CDH17: variants seen among roughly 807,000 people sequenced by gnomAD.
CDH17 encodes the protein cadherin 17, also known as cadherin-17.
In CDH17, 67 loss-of-function variants were observed where a neutral mutation model predicts 86.3. That is an observed-to-expected ratio of 0.78 (90% CI 0.64 to 0.95). The LOEUF is 0.95. Ranked by LOEUF, CDH17 falls within the 40% of genes least tolerant of loss-of-function variation. CDH17 has a pLI of 0.00. For synonymous variants in CDH17, 367 were observed against 366.4 expected, an observed-to-expected ratio of 1.00 and a Z score of -0.02; for missense variants, 993 against 1,017.6, an observed-to-expected ratio of 0.98 and a Z score of 0.33.
rs1209397717 is a variant in CDH17 at position 94,152,096 on chromosome 8, G to A, written c.1568C>T (p.Thr523Ile). Residue 523 changes from threonine to isoleucine, a missense_variant, in exon 13 of 18, where the codon ACA becomes ATA. Transcript: ENST00000027335. Reference protein sequence around the residue: ...VIIKKPLDFETAAVSNIVFKA... With the variant: ...VIIKKPLDFEIAAVSNIVFKA... ...GAACACAATGTTGGAAACAGCTGCT[G>A]TTTCAAAATCAAGAGGCTGTGTAGG... The A allele has an allele frequency of 1.2e-6, 2 of 1,614,048 alleles. No individual in the cohort carries two copies. The highest frequency in any genetic ancestry group is 1.7e-5 in the Admixed American group (1 of 60,020).
intron 2 of CDH17, among the ~76,000 whole-genome samples, chr8:94,193,782 G>A (rs775543173): frequency 1.3e-5 from 2 of 152,170 alleles, no homozygotes; most frequent in Non-Finnish European, 2.9e-5. Context: ...TCCCCCGGGA[G>A]GAAGGCTCTG....
intron 1 of CDH17, among the ~76,000 whole-genome samples, chr8:94,203,326 T>G (rs1056173709): frequency 6.6e-6 from 1 of 152,194 alleles, no homozygotes; most frequent in Non-Finnish European, 1.5e-5. Context: ...ACAAAGAAGT[T>G]GCAGAAGGAG....
chr8:94,176,421 G>A, intron 5 of CDH17, 120 bp downstream of exon 5: 2 of 1,069,514 alleles, frequency 1.9e-6, no homozygotes, highest in African/African-American at 1.6e-5. Flanking sequence ...AAATCAGTGT[G>A]AAATGTAGGT....
intron 13 of CDH17, among the ~76,000 whole-genome samples, chr8:94,151,435 C>T (rs1812854156): frequency 6.6e-6 from 1 of 152,206 alleles, no homozygotes; most frequent in Non-Finnish European, 1.5e-5. Context: ...TTCCCTCAGC[C>T]CTGTAAGTTG....
At chr8:94,164,067 C>T (rs540182923) in intron 10 of CDH17, among the ~76,000 whole-genome samples, 48 of 152,330 alleles carry the variant, frequency 3.2e-4, no homozygotes, top group African/African-American at 1.0e-3. Flanking sequence ...TTTCTATAGA[C>T]GTACTCATGC....
chr8:94,206,565 C>G (rs981126675), intron 1 of CDH17, among the ~76,000 whole-genome samples: 1 of 151,902 alleles, frequency 6.6e-6, no homozygotes, highest in African/African-American at 2.4e-5. Context: ...AGGGACACAT[C>G]CTTCTAGACA....
intron 1 of CDH17, among the ~76,000 whole-genome samples, chr8:94,198,788 T>A (rs935349558): frequency 6.6e-6 from 1 of 152,140 alleles, no homozygotes; most frequent in African/African-American, 2.4e-5. Context: ...GATATTTGCT[T>A]AATGAGGTTG....
intron 1 of CDH17, among the ~76,000 whole-genome samples, chr8:94,198,685 G>C (rs1472817740): frequency 6.6e-6 from 1 of 151,998 alleles, no homozygotes; most frequent in Non-Finnish European, 1.5e-5. Flanking sequence ...CACCCAGATG[G>C]ACTTTGCACC....
chr8:94,138,704 G>C (rs970458107), intron 15 of CDH17, among the ~76,000 whole-genome samples: 3 of 152,118 alleles, frequency 2.0e-5, no homozygotes, highest in African/African-American at 7.2e-5. Flanking sequence ...CGCTCACAAA[G>C]AGCCAGGAAT....
At chr8:94,210,840 G>A (rs1265448829), upstream of CDH17, among the ~76,000 whole-genome samples, 1 of 151,926 alleles carries the variant, frequency 6.6e-6, no homozygotes, top group Admixed American at 6.6e-5. Flanking sequence ...GTCCAACATG[G>A]TGAAACCTCA....
At chr8:94,157,342 A>T (rs1195416189) in intron 12 of CDH17, among the ~76,000 whole-genome samples, 6 of 152,224 alleles carry the variant, frequency 3.9e-5, no homozygotes, top group Non-Finnish European at 8.8e-5. Flanking sequence ...AGTCTATAAA[A>T]CACTTCAATA....
At chr8:94,194,037 C>T (rs1813735196) in intron 2 of CDH17, among the ~76,000 whole-genome samples, 1 of 151,928 alleles carries the variant, frequency 6.6e-6, no homozygotes, top group African/African-American at 2.4e-5. Flanking sequence ...CCTCAGCAGT[C>T]ACGTAGATTT....
chr8:94,206,974 G>GAAATGTACCGGAAATGTACCGGAA (rs1814040074), intron 1 of CDH17, among the ~76,000 whole-genome samples: 1 of 152,072 alleles, frequency 6.6e-6, no homozygotes, highest in African/African-American at 2.4e-5. Context: ...GAGAAAGGAG[G>GAAATGTACCGGAAATGTACCGGAA]AGGTACCGGA....
At chr8:94,196,781 G>C (rs933994628) in intron 1 of CDH17, among the ~76,000 whole-genome samples, 2 of 152,132 alleles carry the variant, frequency 1.3e-5, no homozygotes, top group African/African-American at 2.4e-5. Context: ...CCAGCAGCTC[G>C]GCCAATAGGA....
chr8:94,198,935 G>GT (rs1301693415), intron 1 of CDH17, among the ~76,000 whole-genome samples: 6 of 151,354 alleles, frequency 4.0e-5, no homozygotes, highest in African/African-American at 1.5e-4. Context: ...AAAATAAGGG[G>GT]TACAGGTTCT....
intron 3 of CDH17, among the ~76,000 whole-genome samples, chr8:94,184,905 G>C (rs1203346959): frequency 6.6e-6 from 1 of 152,098 alleles, no homozygotes; most frequent in Non-Finnish European, 1.5e-5. Context: ...CCAACCTCAT[G>C]GGGCAATGAG....
chr8:94,199,072 TATATATATA>T lies in CDH17; in HGVS notation c.-20-4376_-20-4368del, dbSNP rs548193905. Among the ~76,000 whole-genome samples the T allele has an allele frequency of 4.2e-3, 77 of 18,532 alleles. 1 individual carries two copies. Among genetic ancestry groups the T allele is most frequent in the African/African-American group, 5.9e-3 (34 of 5,758 alleles). 12.2% of individuals were successfully genotyped at this position (18,532 alleles called of 152,430 possible). A position where few individuals can be genotyped will look rare whatever the true frequency, so the allele number is the denominator to read the frequency against. Reference sequence around the variant, plus strand: ...ATATATATATATATATATATATATATATATATATATATTTTTTTTTTTTTATCATTTGTC... The same window carrying T: ...ATATATATATATATATATATATATATTATTTTTTTTTTTTTATCATTTGTC... On this transcript the variant is annotated intron_variant, in intron 1 of 17. Coordinates refer to ENST00000027335, the MANE Select transcript of CDH17 (RefSeq NM_004063.4).
intron 2 of CDH17, among the ~76,000 whole-genome samples, chr8:94,191,509 T>C (rs1166925827): frequency 6.7e-6 from 1 of 148,896 alleles, no homozygotes; most frequent in Non-Finnish European, 1.5e-5. Flanking sequence ...TGGAGTGCAG[T>C]GGCACGATCT....
chr8:94,148,616 C>A, intron 14 of CDH17, 128 bp downstream of exon 14: 1 of 601,032 alleles, frequency 1.7e-6, no homozygotes, highest in South Asian at 2.7e-5. Context: ...CTCATCCTTC[C>A]ACTTTAAGGT....
Sources: allele counts gnomAD v4.1 joint callset (sites outside exome capture counted in the v4.1 genomes callset), GRCh38; gene constraint gnomAD v4.1.1; transcripts MANE v1.5; gene names NCBI Gene and HGNC (gene_info 2026-07-23, HGNC 2026-07-21).